Variants in ATF6 observed in about 807,000 individuals in gnomAD.
The protein encoded by ATF6 is cyclic AMP-dependent transcription factor ATF-6 alpha.
Under a neutral mutation model 83.6 loss-of-function variants are expected in ATF6, and 53 were observed. The observed-to-expected ratio is 0.63, with a 90% CI of 0.51 to 0.80. The LOEUF (loss-of-function observed/expected upper bound fraction) is 0.80. Among genes scored for constraint, ATF6 ranks in the 30% least tolerant of loss-of-function variants. The pLI, the probability that ATF6 is intolerant of heterozygous loss-of-function variation, is 0.00. For synonymous variants in ATF6, 288 were observed against 285.8 expected (o/e 1.01, Z -0.08); for missense variants, 744 against 797.9 (o/e 0.93, Z 0.81).
chr1:161,801,946 G>A, intron 6 of ATF6, 106 bp from the exon 7 acceptor site: 1 of 932,362 alleles, frequency 1.1e-6, no homozygotes. Context: ...CAATCCCTTG[G>A]TGTTGATCTT....
chr1:161,952,151 C>A (rs1688876797), intron 15 of ATF6, among the ~76,000 whole-genome samples: 1 of 152,078 alleles, frequency 6.6e-6, no homozygotes, highest in African/African-American at 2.4e-5. Flanking sequence ...AGAGTAATAC[C>A]CTATGGCCCC....
In ATF6 at chr1:161,821,051, A is replaced by T. The variant is rs1203556134; in HGVS notation, c.1096-19A>T. 1 of 1,547,506 alleles carries T rather than the reference A, an allele frequency of 6.5e-7. No homozygotes were observed. Among genetic ancestry groups the T allele is most frequent in the African/African-American group, 1.4e-5 (1 of 72,592 alleles). ...ATCGATGTTAGTTTAATTGTATTTA[A>T]TGTGGTCATTTCCTTTAGAACCAGA... On this transcript the variant is annotated intron_variant, in intron 8 of 15. Coordinates refer to ENST00000367942, the MANE Select transcript of ATF6 (RefSeq NM_007348.4).
At chr1:161,786,982 G>A (rs559458894) in intron 4 of ATF6, among the ~76,000 whole-genome samples, 39 of 152,284 alleles carry the variant, frequency 2.6e-4, no homozygotes, top group African/African-American at 8.9e-4. Context: ...GGGATTAGGA[G>A]TTAGTTATTT....
At chr1:161,942,807 G>A (rs1215645702) in intron 15 of ATF6, among the ~76,000 whole-genome samples, 1 of 152,164 alleles carries the variant, frequency 6.6e-6, no homozygotes, top group African/African-American at 2.4e-5. Context: ...TGTGTGACCT[G>A]TGATATGGTT....
chr1:161,879,646 A>C (rs1484534411), intron 14 of ATF6, among the ~76,000 whole-genome samples: 1 of 152,176 alleles, frequency 6.6e-6, no homozygotes, highest in Admixed American at 6.5e-5. Context: ...AAGCTATTAC[A>C]TAATAGCTGC....
intron 9 of ATF6, among the ~76,000 whole-genome samples, chr1:161,833,060 C>G (rs531910890): frequency 1.1e-3 from 166 of 152,280 alleles, no homozygotes; most frequent in African/African-American, 2.0e-3. Context: ...GACAAAACTT[C>G]CAGAGGAACG....
At chr1:161,951,235 T>C (rs1209771800) in intron 15 of ATF6, among the ~76,000 whole-genome samples, 7 of 152,218 alleles carry the variant, frequency 4.6e-5, no homozygotes. Context: ...ACAGATAAGC[T>C]TGAGGTTGAA....
Position 161,960,654 on chromosome 1 carries a change from T to A in ATF6, c.*2000T>A, listed in dbSNP as rs1460562551. ...TAATTAACCTTCCTCTTTTTCCACA[T>A]TACAAACCTTTTTAAGCAGCGCAGC... On this transcript the variant is annotated 3_prime_UTR_variant, in exon 16 of 16. Transcript: ENST00000367942. 2 of 152,244 alleles carry A rather than the reference T, an allele frequency of 1.3e-5. No individual in the cohort carries two copies. The highest frequency in any genetic ancestry group is 2.9e-5 in the Non-Finnish European group (2 of 68,048). 9.4% of individuals were successfully genotyped at this position (152,244 alleles called of 1,614,324 possible). A position where few individuals can be genotyped will look rare whatever the true frequency, so the allele number is the denominator to read the frequency against.
intron 14 of ATF6, among the ~76,000 whole-genome samples, chr1:161,883,712 A>G (rs965889018): frequency 6.6e-6 from 1 of 152,072 alleles, no homozygotes; most frequent in Non-Finnish European, 1.5e-5. Context: ...ATAAAATCAT[A>G]TAGATTAAAA....
intron 7 of ATF6, among the ~76,000 whole-genome samples, chr1:161,818,944 T>C (rs1317738874): frequency 2.0e-5 from 3 of 152,190 alleles, no homozygotes; most frequent in Non-Finnish European, 2.9e-5. Flanking sequence ...ACAATTGAAA[T>C]AGGAGTCTGT....
intron 15 of ATF6, among the ~76,000 whole-genome samples, chr1:161,942,446 G>C (rs1279996570): frequency 2.6e-5 from 4 of 152,170 alleles, no homozygotes; most frequent in Non-Finnish European, 5.9e-5. Flanking sequence ...GATAGGTACA[G>C]TACTTGACAT....
rs192816298 is a variant in ATF6, at chr1:161,926,613, G to A, written c.1804+14233G>A. ...AGTCTCATACCATCACTTCTGCTGCGTGCTGTTGGTTACTTAGACCAACCC... is the reference window on the plus strand; with the variant it reads ...AGTCTCATACCATCACTTCTGCTGCATGCTGTTGGTTACTTAGACCAACCC... On this transcript the variant is annotated intron_variant, in intron 15 of 15. Transcript: ENST00000367942. Among the ~76,000 whole-genome samples the A allele has an allele frequency of 2.5e-3, 376 of 152,268 alleles. 3 individuals are homozygous for A. The highest frequency in any genetic ancestry group is 8.5e-3 in the African/African-American group (352 of 41,564).
intron 7 of ATF6, among the ~76,000 whole-genome samples, chr1:161,810,549 A>G (rs1196894184): frequency 6.6e-6 from 1 of 152,022 alleles, no homozygotes; most frequent in Middle Eastern, 3.4e-3. Flanking sequence ...CATCCCTCAT[A>G]TAGTTGTTAG....
chr1:161,928,299 A>G (rs757801643), intron 15 of ATF6, among the ~76,000 whole-genome samples: 2 of 152,222 alleles, frequency 1.3e-5, no homozygotes, highest in Admixed American at 6.5e-5. Context: ...TTATGTTACC[A>G]TAATTTCAGA....
chr1:161,847,569 C>T (rs943517687), intron 10 of ATF6, among the ~76,000 whole-genome samples: 11 of 152,068 alleles, frequency 7.2e-5, no homozygotes, highest in Non-Finnish European at 1.3e-4. Context: ...ATAGCATTTC[C>T]TGCTTTTTTA....
intron 12 of ATF6, among the ~76,000 whole-genome samples, chr1:161,853,827 C>T (rs1011254125): frequency 2.0e-5 from 3 of 152,288 alleles, no homozygotes; most frequent in South Asian, 4.1e-4. Flanking sequence ...TGCCACAAAA[C>T]ACCATTAAGT....
chr1:161,889,244 A>C (rs1385802366), intron 14 of ATF6, among the ~76,000 whole-genome samples: 2 of 152,220 alleles, frequency 1.3e-5, no homozygotes, highest in African/African-American at 4.8e-5. Flanking sequence ...AACAGCTGGA[A>C]GTCCTGCTGC....
intron 15 of ATF6, among the ~76,000 whole-genome samples, chr1:161,942,941 C>T (rs1571253681): frequency 6.6e-6 from 1 of 152,150 alleles, no homozygotes; most frequent in Non-Finnish European, 1.5e-5. Context: ...CTGCAACCTC[C>T]GCCTCCAGGG....
intron 14 of ATF6, among the ~76,000 whole-genome samples, chr1:161,900,488 A>G (rs1687761093): frequency 6.6e-6 from 1 of 152,146 alleles, no homozygotes. Context: ...CATTAAGTCA[A>G]ATATAATCTT....
Sources: allele counts gnomAD v4.1 joint callset (sites outside exome capture counted in the v4.1 genomes callset), GRCh38; gene constraint gnomAD v4.1.1; transcripts MANE v1.5; gene names NCBI Gene and HGNC (gene_info 2026-07-23, HGNC 2026-07-21).